Variants in EYS observed in about 807,000 individuals in gnomAD.
EYS encodes EGF-like photoreceptor maintenance factor.
Under a neutral mutation model 282.1 loss-of-function variants are expected in EYS, and 250 were observed. That is an observed-to-expected ratio of 0.89 (90% CI 0.80 to 0.98). EYS has a LOEUF of 0.98. Ranked by LOEUF, EYS falls within the 50% of genes least tolerant of loss-of-function variation. The probability of loss-of-function intolerance (pLI) is 0.00; values close to 1 mark genes in which losing one functional copy is unlikely to be tolerated. For synonymous variants in EYS, 1,355 were observed against 1,282.9 expected, an observed-to-expected ratio of 1.06 and a Z score of -1.20; for missense variants, 4,016 against 3,709.0, an observed-to-expected ratio of 1.08 and a Z score of -2.15.
chr6:65,183,059 G>A (rs1006177849), intron 12 of EYS, among the ~76,000 whole-genome samples: 1 of 151,810 alleles, frequency 6.6e-6, no homozygotes, highest in Non-Finnish European at 1.5e-5. Flanking sequence ...GAAAACTGCT[G>A]GGATTACAAG....
At chr6:64,134,921 A>G (rs1322328782) in intron 31 of EYS, among the ~76,000 whole-genome samples, 1 of 152,130 alleles carries the variant, frequency 6.6e-6, no homozygotes, top group Non-Finnish European at 1.5e-5. Flanking sequence ...ATATATGATG[A>G]GATGCATTTT....
chr6:64,782,851 A>C (rs1773902687), intron 22 of EYS, among the ~76,000 whole-genome samples: 1 of 152,198 alleles, frequency 6.6e-6, no homozygotes, highest in African/African-American at 2.4e-5. Flanking sequence ...GGGCACTTGT[A>C]TTTTTAGTAT....
intron 26 of EYS, among the ~76,000 whole-genome samples, chr6:64,507,974 AACG>A (rs1777266438): frequency 6.6e-6 from 1 of 152,204 alleles, no homozygotes; most frequent in Non-Finnish European, 1.5e-5. Flanking sequence ...TCCTGAGTGG[AACG>A]ACAAGGTGTT....
chr6:65,274,664 AT>A (rs1767994637), intron 12 of EYS, among the ~76,000 whole-genome samples: 1 of 152,132 alleles, frequency 6.6e-6, no homozygotes, highest in Admixed American at 6.6e-5. Context: ...TTTACTTTCT[AT>A]AAGATATCAT....
At chr6:64,010,599 T>C (rs577040639) in intron 33 of EYS, among the ~76,000 whole-genome samples, 1 of 152,292 alleles carries the variant, frequency 6.6e-6, no homozygotes, top group East Asian at 1.9e-4. Context: ...TTCCAGTATC[T>C]TTATGGGTTC....
chr6:65,192,340 T>C (rs1765663575), intron 12 of EYS, among the ~76,000 whole-genome samples: 1 of 149,164 alleles, frequency 6.7e-6, no homozygotes, highest in African/African-American at 2.5e-5. Context: ...TAATGTGTGG[T>C]ATTCTCTTAA....
At chr6:63,728,452 C>A (rs180691235) in intron 41 of EYS, among the ~76,000 whole-genome samples, 3 of 152,220 alleles carry the variant, frequency 2.0e-5, no homozygotes, top group Admixed American at 2.0e-4. Flanking sequence ...AGGTTCACTG[C>A]AAAACTGAGT....
chr6:65,367,506 A>G (rs1361028090), intron 8 of EYS, among the ~76,000 whole-genome samples: 1 of 151,732 alleles, frequency 6.6e-6, no homozygotes, highest in Non-Finnish European at 1.5e-5. Flanking sequence ...TAAAATGTCT[A>G]TATGTTTCCT....
chr6:65,060,473 C>T (rs1013924550), intron 12 of EYS, among the ~76,000 whole-genome samples: 2 of 151,898 alleles, frequency 1.3e-5, no homozygotes, highest in Non-Finnish European at 2.9e-5. Context: ...GTAAAAAACT[C>T]ACAGCATACT....
At chr6:65,699,052 T>C (rs1406945822) in intron 1 of EYS, among the ~76,000 whole-genome samples, 1 of 152,218 alleles carries the variant, frequency 6.6e-6, no homozygotes, top group African/African-American at 2.4e-5. Flanking sequence ...TTGGATTTAC[T>C]TCCTATATAA....
intron 2 of EYS, among the ~76,000 whole-genome samples, chr6:65,627,351 G>A (rs1766740535): frequency 6.6e-6 from 1 of 152,066 alleles, no homozygotes; most frequent in African/African-American, 2.4e-5. Flanking sequence ...GGTACTGAGA[G>A]GTGACAGCGT....
chr6:65,015,616 T>C (rs991651464), intron 13 of EYS, among the ~76,000 whole-genome samples: 25 of 152,144 alleles, frequency 1.6e-4, no homozygotes, highest in African/African-American at 5.8e-4. Flanking sequence ...CTTAAATTAA[T>C]GTTAAGAAGC....
intron 36 of EYS, among the ~76,000 whole-genome samples, chr6:63,809,217 T>C (rs1770979457): frequency 6.6e-6 from 1 of 152,218 alleles, no homozygotes; most frequent in African/African-American, 2.4e-5. Flanking sequence ...TCTATAACTC[T>C]GAATTAGGCA....
chr6:65,678,374 A>C (rs1768699918), intron 1 of EYS, among the ~76,000 whole-genome samples: 1 of 152,032 alleles, frequency 6.6e-6, no homozygotes, highest in Admixed American at 6.6e-5. Context: ...GGAAAAATTG[A>C]ATTTTTTTCA....
At chr6:64,912,054 A>G (rs1768011283) in intron 16 of EYS, among the ~76,000 whole-genome samples, 1 of 152,126 alleles carries the variant, frequency 6.6e-6, no homozygotes, top group South Asian at 2.1e-4. Flanking sequence ...TAAACAATCT[A>G]AGTAGAAAGA....
At chr6:64,093,374 T>G (rs1263134056) in intron 31 of EYS, among the ~76,000 whole-genome samples, 1 of 152,194 alleles carries the variant, frequency 6.6e-6, no homozygotes, top group Non-Finnish European at 1.5e-5. Flanking sequence ...CATTGATTCT[T>G]CCTACCCATG....
At chr6:65,556,096 A>C (rs896619051) in intron 2 of EYS, among the ~76,000 whole-genome samples, 1 of 151,858 alleles carries the variant, frequency 6.6e-6, no homozygotes, top group African/African-American at 2.4e-5. Context: ...TTTTCTTTCA[A>C]TCTTTAACTA....
intron 28 of EYS, among the ~76,000 whole-genome samples, chr6:64,405,751 C>T (rs539653874): frequency 3.7e-4 from 56 of 152,060 alleles, no homozygotes; most frequent in African/African-American, 1.3e-3. Flanking sequence ...GAATAAAATA[C>T]CTAGGATTCA....
rs549318042 is a variant in EYS, at chr6:65,696,877, T to C, written c.-448+10258A>G. ...CAGAGTACTTAGAGTGTAGAATTCT[T>C]AATCTATATTGTTTCTTCTGCTAAA... On this transcript the variant is annotated intron_variant, in intron 1 of 42. Transcript: ENST00000503581. Among the ~76,000 whole-genome samples, 52 of 152,150 alleles carry C rather than the reference T, an allele frequency of 3.4e-4. No homozygotes were observed. The East Asian group carries it at 9.5e-3, about 28-fold the overall frequency.
Sources: allele counts gnomAD v4.1 joint callset (sites outside exome capture counted in the v4.1 genomes callset), GRCh38; gene constraint gnomAD v4.1.1; transcripts MANE v1.5; gene names NCBI Gene and HGNC (gene_info 2026-07-23, HGNC 2026-07-21).